PLXDC2: variants seen among roughly 807,000 people sequenced by gnomAD.
PLXDC2 encodes plexin domain-containing protein 2.
In PLXDC2, 40 loss-of-function variants were observed where a neutral mutation model predicts 68.9. That is an observed-to-expected ratio of 0.58 (90% CI 0.45 to 0.76). The LOEUF (loss-of-function observed/expected upper bound fraction) is 0.76, where lower values mean the gene tolerates loss of function less well. PLXDC2 is among the 30% of genes least tolerant of loss of function. The pLI, the probability that PLXDC2 is intolerant of heterozygous loss-of-function variation, is 0.00. For synonymous variants in PLXDC2, 243 were observed against 234.2 expected (o/e 1.04, Z -0.34); for missense variants, 644 against 661.9 (o/e 0.97, Z 0.30).
intron 1 of PLXDC2, among the ~76,000 whole-genome samples, chr10:19,885,172 T>C (rs1564619029): frequency 6.6e-6 from 1 of 152,286 alleles, no homozygotes; most frequent in African/African-American, 2.4e-5. Flanking sequence ...TGCCTGTTCA[T>C]GTCCTTTGCC....
At chr10:19,969,800 G>A (rs929177997) in intron 1 of PLXDC2, among the ~76,000 whole-genome samples, 9 of 152,274 alleles carry the variant, frequency 5.9e-5, no homozygotes, top group African/African-American at 2.2e-4. Flanking sequence ...ATTGAGACAG[G>A]TCATAAAACA....
At chr10:19,923,528 T>C (rs975151289) in intron 1 of PLXDC2, among the ~76,000 whole-genome samples, 3 of 152,248 alleles carry the variant, frequency 2.0e-5, no homozygotes, top group African/African-American at 7.2e-5. Flanking sequence ...TACTTTTCAT[T>C]TGATATGGGC....
At chr10:20,151,000 C>T (rs920307141) in intron 6 of PLXDC2, among the ~76,000 whole-genome samples, 4 of 152,158 alleles carry the variant, frequency 2.6e-5, no homozygotes, top group Non-Finnish European at 5.9e-5. Context: ...TCCCTCTGCA[C>T]TTGGAGTTCA....
chr10:20,143,253 G>A, intron 4 of PLXDC2, 42 bp from the exon 5 acceptor site: 1 of 1,559,658 alleles, frequency 6.4e-7, no homozygotes, highest in Non-Finnish European at 8.7e-7. Flanking sequence ...ATTTTATATG[G>A]GCTTCTTTTT....
chr10:19,948,390 C>CTTT (rs59867874), intron 1 of PLXDC2, among the ~76,000 whole-genome samples: 1 of 144,942 alleles, frequency 6.9e-6, no homozygotes, highest in African/African-American at 2.5e-5. Flanking sequence ...TTCTTTCTTT[C>CTTT]TTTTTTTTTT....
chr10:20,243,683 C>G (rs1588539231), intron 12 of PLXDC2, among the ~76,000 whole-genome samples: 1 of 146,748 alleles, frequency 6.8e-6, no homozygotes, highest in African/African-American at 2.5e-5. Context: ...GAAATCAGTG[C>G]TTATTAAATG....
chr10:19,960,631 A>G lies in PLXDC2; in HGVS notation c.113-41144A>G, dbSNP rs183480512. Among the ~76,000 whole-genome samples, 279 of 152,258 alleles carry G rather than the reference A, an allele frequency of 1.8e-3. 1 individual carries two copies. The highest frequency in any genetic ancestry group is 2.2e-3 in the Non-Finnish European group (153 of 68,018). On this transcript the variant is annotated intron_variant, in intron 1 of 13. Transcript: ENST00000377252. Reference sequence around the variant, plus strand: ...TAAAGTTGAATTTTTCAAATGTCCTATGACCTTGCACTCATACCATCTGTT... The same window carrying G: ...TAAAGTTGAATTTTTCAAATGTCCTGTGACCTTGCACTCATACCATCTGTT...
intron 2 of PLXDC2, among the ~76,000 whole-genome samples, chr10:20,027,054 A>G (rs965241754): frequency 1.5e-5 from 2 of 134,642 alleles, no homozygotes; most frequent in African/African-American, 5.6e-5. Context: ...ATTCTAATAT[A>G]TAGAATACAC....
rs1836131701 is a variant in PLXDC2, at chr10:20,284,890, G to A, written c.*5071G>A. 6.6e-6 allele frequency: 1 copy of A among 152,176 alleles called. No homozygotes were observed. The highest frequency in any genetic ancestry group is 2.1e-4 in the South Asian group (1 of 4,834). The allele number at this position is 152,176 out of a possible 1,614,324, so 9.4% of individuals were successfully genotyped here. A position where few individuals can be genotyped will look rare whatever the true frequency, so the allele number is the denominator to read the frequency against. On this transcript the variant is annotated 3_prime_UTR_variant, in exon 14 of 14. Coordinates refer to ENST00000377252, the MANE Select transcript of PLXDC2 (RefSeq NM_032812.9). ...TTTATCTTTTTGCTGACTTAAGGAG[G>A]CTGCTATTGTTGCAATATCCAGAGA...
At chr10:20,025,621 A>T (rs1210113978) in intron 2 of PLXDC2, among the ~76,000 whole-genome samples, 2 of 151,978 alleles carry the variant, frequency 1.3e-5, no homozygotes. Context: ...TGTAGTTTTG[A>T]TGTGCATTTC....
At chr10:20,109,910 G>A (rs1833536963) in intron 4 of PLXDC2, among the ~76,000 whole-genome samples, 1 of 152,192 alleles carries the variant, frequency 6.6e-6, no homozygotes, top group South Asian at 2.1e-4. Flanking sequence ...AATGAAATGT[G>A]TGAAGCACAG....
At chr10:20,182,955 T>A (rs1656615763) in intron 9 of PLXDC2, among the ~76,000 whole-genome samples, 1 of 152,026 alleles carries the variant, frequency 6.6e-6, no homozygotes, top group South Asian at 2.1e-4. Flanking sequence ...TGTTTGGTTT[T>A]CTGAAACAGA....
At chr10:20,134,265 A>T (rs186930344) in intron 4 of PLXDC2, among the ~76,000 whole-genome samples, 3 of 152,184 alleles carry the variant, frequency 2.0e-5, no homozygotes, top group Admixed American at 2.0e-4. Flanking sequence ...TGATGCTATC[A>T]TGTTTCCTTG....
intron 13 of PLXDC2, among the ~76,000 whole-genome samples, chr10:20,271,646 A>T (rs1835942133): frequency 6.6e-6 from 1 of 152,180 alleles, no homozygotes; most frequent in Non-Finnish European, 1.5e-5. Context: ...CTTACCCAGA[A>T]TTGATGGTCA....
intron 2 of PLXDC2, among the ~76,000 whole-genome samples, chr10:20,045,725 A>G (rs568368991): frequency 6.6e-6 from 1 of 152,180 alleles, no homozygotes; most frequent in Non-Finnish European, 1.5e-5. Context: ...ATGATAAATG[A>G]ATTACACAAA....
At chr10:20,076,141 GATGCTC>G (rs1836444927) in intron 4 of PLXDC2, among the ~76,000 whole-genome samples, 1 of 152,216 alleles carries the variant, frequency 6.6e-6, no homozygotes, top group Non-Finnish European at 1.5e-5. Flanking sequence ...ATATATGCCA[GATGCTC>G]TAACATTGTC....
intron 6 of PLXDC2, among the ~76,000 whole-genome samples, chr10:20,157,118 G>A (rs1044478033): frequency 6.6e-6 from 1 of 152,184 alleles, no homozygotes; most frequent in African/African-American, 2.4e-5. Context: ...TAGATTCACT[G>A]CTGATAACAC....
chr10:19,908,366 A>G (rs76104704), intron 1 of PLXDC2, among the ~76,000 whole-genome samples: 1,597 of 152,306 alleles, frequency 0.01, 11 homozygotes, highest in Non-Finnish European at 0.016. Flanking sequence ...TACAATTGTT[A>G]GAAGTACCTA....
At chr10:19,874,434 A>G (rs934131325) in intron 1 of PLXDC2, among the ~76,000 whole-genome samples, 3 of 152,140 alleles carry the variant, frequency 2.0e-5, no homozygotes, top group Admixed American at 2.0e-4. Context: ...GCTCTTTCCT[A>G]CTTTGCTCAA....
Sources: gnomAD v4.1 joint callset for allele counts (sites outside exome capture counted in the v4.1 genomes callset) on GRCh38, gnomAD v4.1.1 for gene constraint, MANE v1.5 for transcripts, NCBI Gene and HGNC (gene_info 2026-07-23, HGNC 2026-07-21) for gene names.